Variants in CASR observed in about 807,000 individuals in gnomAD.
The protein encoded by CASR is calcium sensing receptor.
Under a neutral mutation model 69.1 loss-of-function variants are expected in CASR, and 23 were observed. The ratio of observed to expected loss-of-function variants is 0.33; its 90% confidence interval spans 0.24 to 0.47. CASR has a LOEUF of 0.47. Among genes scored for constraint, CASR ranks in the 20% least tolerant of loss-of-function variants. The probability of loss-of-function intolerance (pLI) is 1.00; values close to 1 mark genes in which losing one functional copy is unlikely to be tolerated. For synonymous variants in CASR, 541 were observed against 544.7 expected (o/e 0.99, Z 0.10); for missense variants, 924 against 1,356.1 (o/e 0.68, Z 5.00).
rs2074527295 is a variant in CASR at position 122,254,164 on chromosome 3, C to T, written c.-26C>T. On this transcript the variant is annotated 5_prime_UTR_variant, in exon 2 of 7. Coordinates refer to ENST00000639785, the MANE Select transcript of CASR (RefSeq NM_000388.4). ...CCTCCAAACTCCTAGCTGTCTCATC[C>T]CTTGCCCTGGAGAGACGGCAGAACC... 4 of 1,611,272 alleles carry T rather than the reference C, an allele frequency of 2.5e-6. No individual in the cohort carries two copies. Among genetic ancestry groups the T allele is most frequent in the Non-Finnish European group, 2.5e-6 (3 of 1,179,102 alleles).
intron 1 of CASR, among the ~76,000 whole-genome samples, chr3:122,221,752 A>G (rs556115672): frequency 1.3e-5 from 2 of 152,368 alleles, no homozygotes; most frequent in Non-Finnish European, 2.9e-5. Context: ...CATTTATTAC[A>G]GCATGACTTG....
At chr3:122,206,549 T>C (rs1576822072) in intron 1 of CASR, among the ~76,000 whole-genome samples, 1 of 152,236 alleles carries the variant, frequency 6.6e-6, no homozygotes, top group East Asian at 1.9e-4. Context: ...TTTTTTGCTG[T>C]GTCCTCATCT....
chr3:122,224,283 C>T (rs1318747113), intron 1 of CASR, among the ~76,000 whole-genome samples: 1 of 152,120 alleles, frequency 6.6e-6, no homozygotes, highest in Non-Finnish European at 1.5e-5. Flanking sequence ...GATTCTATAC[C>T]TAGAAACCCC....
rs747803330 is a variant in CASR, at chr3:122,284,201, A to G, written c.2247A>G (p.Ser749=). The part of the protein sequence containing the change: ...CVIWLYTAPP[S]SYRNQELEDE... ...TCTGGCTCTACACCGCGCCCCCGTCAAGCTACCGCAACCAGGAGCTGGAGG... is the reference window on the plus strand; with the variant it reads ...TCTGGCTCTACACCGCGCCCCCGTCGAGCTACCGCAACCAGGAGCTGGAGG... The change falls in exon 7 of 7, where the codon TCA becomes TCG. Residue 749 remains serine, a synonymous_variant. Coordinates refer to ENST00000639785, the MANE Select transcript of CASR (RefSeq NM_000388.4). The G allele has an allele frequency of 6.2e-7, 1 of 1,613,878 alleles. No individual in the cohort carries two copies. The highest frequency in any genetic ancestry group is 1.1e-5 in the South Asian group (1 of 91,072).
In CASR at chr3:122,289,541, C is replaced by T. The variant is rs2074993983; in HGVS notation, c.*4350C>T. On this transcript the variant is annotated 3_prime_UTR_variant, in exon 7 of 7. Transcript: ENST00000639785. ...AGAACCTTAGCCTTGAGAGGAAAAG[C>T]TCAGCAAGTGGTATGAGAAATGGAG... The T allele has an allele frequency of 6.6e-6, 1 of 152,414 alleles. No homozygotes were observed. Among genetic ancestry groups the T allele is most frequent in the Non-Finnish European group, 1.5e-5 (1 of 68,222 alleles). 9.4% of individuals were successfully genotyped at this position (152,414 alleles called of 1,614,324 possible). A position where few individuals can be genotyped will look rare whatever the true frequency, so the allele number is the denominator to read the frequency against.
chr3:122,186,569 C>G (rs1374284884), intron 1 of CASR, among the ~76,000 whole-genome samples: 1 of 152,156 alleles, frequency 6.6e-6, no homozygotes, highest in African/African-American at 2.4e-5. Flanking sequence ...CAGGTGAGGT[C>G]CCTGCTCTCC....
intron 1 of CASR, among the ~76,000 whole-genome samples, chr3:122,242,438 A>G (rs1284770131): frequency 6.6e-6 from 1 of 152,124 alleles, no homozygotes; most frequent in Non-Finnish European, 1.5e-5. Context: ...TATAATAGTC[A>G]CAAGTAAAAT....
At chr3:122,224,299 ACT>A (rs1182175733) in intron 1 of CASR, among the ~76,000 whole-genome samples, 1 of 152,174 alleles carries the variant, frequency 6.6e-6, no homozygotes, top group Non-Finnish European at 1.5e-5. Flanking sequence ...ACCCCCAAAG[ACT>A]CTGCAAAAAG....
In CASR at chr3:122,254,156, G is replaced by A. The variant is rs2074527113; in HGVS notation, c.-34G>A. The A allele has an allele frequency of 6.2e-7, 1 of 1,610,730 alleles. No homozygotes were observed. The highest frequency in any genetic ancestry group is 1.1e-5 in the South Asian group (1 of 90,974). ...TCTGGGAGCCTCCAAACTCCTAGCT[G>A]TCTCATCCCTTGCCCTGGAGAGACG... On this transcript the variant is annotated 5_prime_UTR_variant, in exon 2 of 7. Coordinates refer to ENST00000639785, the MANE Select transcript of CASR (RefSeq NM_000388.4).
Position 122,257,322 on chromosome 3 carries a change from G to A in CASR, c.427G>A (p.Gly143Arg), listed in dbSNP as rs769256610. Residue 143 changes from glycine to arginine, a missense_variant, in exon 3 of 7, where the codon GGA becomes AGA. Gly to Arg is a moderately radical substitution (Grantham distance 125). Transcript: ENST00000639785. The stretch of plus-strand genomic sequence containing the variant: ...CATTCCCTCTACGATTGCTGTGGTG[G>A]GAGCAACTGGCTCAGGCGTCTCCAC... ...EHIPSTIAVV[G>R]ATGSGVSTAV... is the part of the protein sequence containing the mutation. 4 of 1,613,982 alleles carry A rather than the reference G, an allele frequency of 2.5e-6. No homozygotes were observed. Among genetic ancestry groups the A allele is most frequent in the Non-Finnish European group, 3.4e-6 (4 of 1,179,978 alleles).
At position 122,190,171 on chromosome 3, in the gene CASR, G is replaced by T. The variant is rs2073825938; in HGVS notation, c.-243+6359G>T. Among the ~76,000 whole-genome samples, 3 of 152,124 alleles carry T rather than the reference G, an allele frequency of 2.0e-5. No homozygotes were observed. In the South Asian group the frequency reaches 6.2e-4, roughly 32 times the overall value. On this transcript the variant is annotated intron_variant, in intron 1 of 6. Coordinates refer to ENST00000639785, the MANE Select transcript of CASR (RefSeq NM_000388.4). Reference sequence around the variant, plus strand: ...TCAGGCTTCCAGTCCATCCAATCATGCACTCCTTTGGGTCAGGATCTGGGT... The same window carrying T: ...TCAGGCTTCCAGTCCATCCAATCATTCACTCCTTTGGGTCAGGATCTGGGT...
intron 1 of CASR, among the ~76,000 whole-genome samples, chr3:122,188,234 A>G (rs1424495599): frequency 6.6e-6 from 1 of 152,212 alleles, no homozygotes; most frequent in Non-Finnish European, 1.5e-5. Context: ...GGCCTGAACC[A>G]TGGCGGTCAT....
chr3:122,258,955 C>T (rs906366625), intron 3 of CASR, among the ~76,000 whole-genome samples: 1 of 151,946 alleles, frequency 6.6e-6, no homozygotes, highest in African/African-American at 2.4e-5. Flanking sequence ...GGTCATGGAC[C>T]CAGGGGTATT....
At chr3:122,274,986 G>A (rs1001669970) in intron 4 of CASR, among the ~76,000 whole-genome samples, 1 of 152,202 alleles carries the variant, frequency 6.6e-6, no homozygotes, top group Non-Finnish European at 1.5e-5. Context: ...CAGCAATTAA[G>A]AGCGCAGGAT....
At chr3:122,194,024 C>T (rs2073864019) in intron 1 of CASR, among the ~76,000 whole-genome samples, 1 of 152,110 alleles carries the variant, frequency 6.6e-6, no homozygotes, top group South Asian at 2.1e-4. Flanking sequence ...CATCTTGGCC[C>T]CAAAGCCTAA....
At chr3:122,222,119 C>T (rs1485984644) in intron 1 of CASR, among the ~76,000 whole-genome samples, 3 of 152,132 alleles carry the variant, frequency 2.0e-5, no homozygotes, top group East Asian at 3.8e-4. Context: ...AAGACAATAG[C>T]ATTATTTTTT....
At chr3:122,200,994 C>CTTTTTTTTTTCT (rs67815991) in intron 1 of CASR, among the ~76,000 whole-genome samples, 1 of 81,614 alleles carries the variant, frequency 1.2e-5, no homozygotes, top group Admixed American at 1.5e-4. Context: ...CATTGCTTTT[C>CTTTTTTTTTTCT]TTTTTTTTTT....
chr3:122,196,714 T>A (rs1182743815), intron 1 of CASR, among the ~76,000 whole-genome samples: 1 of 152,116 alleles, frequency 6.6e-6, no homozygotes, highest in Admixed American at 6.5e-5. Context: ...ATTGTTTGTA[T>A]TTTTTGTAGA....
intron 1 of CASR, among the ~76,000 whole-genome samples, chr3:122,252,706 G>GA (rs2074511301): frequency 6.6e-6 from 1 of 152,086 alleles, no homozygotes; most frequent in Non-Finnish European, 1.5e-5. Flanking sequence ...AGGAGGAAAA[G>GA]ATGGCTCCTT....
Sources: allele counts gnomAD v4.1 joint callset (sites outside exome capture counted in the v4.1 genomes callset), GRCh38; gene constraint gnomAD v4.1.1; transcripts MANE v1.5; gene names NCBI Gene and HGNC (gene_info 2026-07-23, HGNC 2026-07-21).